SHD: variants seen among roughly 807,000 people sequenced by gnomAD.
The protein encoded by SHD is Src homology 2 domain containing transforming protein D, also known as SH2 domain-containing adapter protein D.
A neutral mutation model predicts 31.2 loss-of-function variants in SHD; 29 were observed. The observed-to-expected ratio is 0.93, with a 90% CI of 0.69 to 1.27. SHD has a LOEUF of 1.27. Ranked by LOEUF, SHD falls within the 50% of genes most tolerant of loss-of-function variation. The pLI, the probability that SHD is intolerant of heterozygous loss-of-function variation, is 0.00. For synonymous variants in SHD, 208 were observed against 187.8 expected (o/e 1.11, Z -0.88); for missense variants, 520 against 453.8 (o/e 1.15, Z -1.33).
chr19:4,282,038 T>C (rs748832306), intron 1 of SHD, among the ~76,000 whole-genome samples: 84 of 151,954 alleles, frequency 5.5e-4, no homozygotes, highest in Non-Finnish European at 1.1e-3. Context: ...GCTGGGGAAA[T>C]GGGATCAAGA....
At chr19:4,288,068 A>G (rs983054081) in intron 4 of SHD, 175 bp from the exon 5 acceptor site, 2 of 623,248 alleles carry the variant, frequency 3.2e-6, no homozygotes, top group Non-Finnish European at 4.8e-6. Context: ...CGCCCGGCTA[A>G]TTTTTTTTGT....
At chr19:4,284,721 C>T in intron 3 of SHD, 60 bp from the exon 4 acceptor site, 3 of 1,415,470 alleles carry the variant, frequency 2.1e-6, no homozygotes, top group Non-Finnish European at 2.8e-6. Context: ...TGGCTTGCCC[C>T]TGCCCCGCCC....
At chr19:4,289,559 ATTATTTATTTAT>A (rs1187225392) in intron 5 of SHD, among the ~76,000 whole-genome samples, 2 of 146,834 alleles carry the variant, frequency 1.4e-5, no homozygotes, top group Admixed American at 6.8e-5. Flanking sequence ...TATTATTATT[ATTATTTATTTAT>A]TTATTTATTT....
intron 4 of SHD, among the ~76,000 whole-genome samples, chr19:4,287,554 G>A (rs987890491): frequency 6.6e-6 from 1 of 151,980 alleles, no homozygotes; most frequent in Non-Finnish European, 1.5e-5. Flanking sequence ...GGAGGCCAAG[G>A]AGGGCAGATA....
At chr19:4,283,404 C>A (rs1971276765) in intron 3 of SHD, among the ~76,000 whole-genome samples, 162 bp downstream of exon 3, 1 of 152,090 alleles carries the variant, frequency 6.6e-6, no homozygotes, top group Non-Finnish European at 1.5e-5. Context: ...GTCCTAAATT[C>A]TTTCTTCCAA....
In SHD at chr19:4,283,107, C is replaced by A. The variant is rs1472596283; in HGVS notation, c.457C>A (p.Pro153Thr). ...TGACACCCCTTATGAGGAACAGGAC[C>A]CAGAGACAGCAGATGGACCCCCTTC... ...LYDTPYEEQD[P>T]ETADGPPSGQ... The change falls in exon 3 of 6, where the codon CCA (proline) becomes ACA (threonine). Residue 153 changes from proline (P) to threonine (T), a missense_variant. By Grantham distance (38) the Pro-to-Thr change is conservative. Coordinates refer to ENST00000543264, the MANE Select transcript of SHD (RefSeq NM_020209.4). 8.1e-6 allele frequency: 13 copies of A among 1,613,978 alleles called. No homozygotes were observed. Among genetic ancestry groups the A allele is most frequent in the Non-Finnish European group, 9.3e-6 (11 of 1,180,022 alleles).
intron 4 of SHD, among the ~76,000 whole-genome samples, chr19:4,287,419 G>T (rs1459123800): frequency 6.6e-6 from 1 of 152,122 alleles, no homozygotes; most frequent in African/African-American, 2.4e-5. Flanking sequence ...AGTGGTTGAA[G>T]TTGACAAGGA....
At chr19:4,289,818 G>A (rs910482294) in intron 5 of SHD, among the ~76,000 whole-genome samples, 17 of 151,908 alleles carry the variant, frequency 1.1e-4, no homozygotes, top group African/African-American at 3.6e-4. Context: ...TGATCCGCCT[G>A]CCTTGGCCTC....
At chr19:4,288,474 T>C (rs1187186699) in intron 5 of SHD, 112 bp downstream of exon 5, 21 of 1,347,868 alleles carry the variant, frequency 1.6e-5, no homozygotes, top group African/African-American at 3.0e-5. Context: ...AGGGAAGGGC[T>C]TCCAGGTCAG....
intron 4 of SHD, among the ~76,000 whole-genome samples, chr19:4,285,253 C>T (rs993291526): frequency 6.6e-6 from 1 of 152,160 alleles, no homozygotes; most frequent in African/African-American, 2.4e-5. Flanking sequence ...TTGGGTGGGG[C>T]TTACAGCCTC....
At chr19:4,286,148 T>G (rs968249618) in intron 4 of SHD, among the ~76,000 whole-genome samples, 3 of 152,072 alleles carry the variant, frequency 2.0e-5, no homozygotes, top group African/African-American at 7.2e-5. Context: ...TGCCTTGGCC[T>G]CCCAAAGTGT....
chr19:4,286,391 G>A (rs1971319276), intron 4 of SHD, among the ~76,000 whole-genome samples: 1 of 149,414 alleles, frequency 6.7e-6, no homozygotes, highest in Non-Finnish European at 1.5e-5. Flanking sequence ...CTGTTGCCCA[G>A]GCTGAAGTGC....
At position 4,283,175 on chromosome 19, in the gene SHD, A is replaced by G; in HGVS notation, c.525A>G (p.Glu175=). Residue 175 remains glutamate (E), a synonymous_variant, in exon 3 of 6, where the codon GAA becomes GAG. Transcript: ENST00000543264. ...PRQSRMPQED[E]RPADEYDQPW... is the part of the protein sequence containing the mutation. ...AGAGCCGGATGCCCCAGGAAGATGA[A>G]CGGCCAGCAGATGAGTATGATCAGC... 3.1e-6 allele frequency: 5 copies of G among 1,614,116 alleles called. No homozygotes were observed. The highest frequency in any genetic ancestry group is 4.2e-6 in the Non-Finnish European group (5 of 1,180,018).
At chr19:4,288,641 C>G (rs568920647) in intron 5 of SHD, among the ~76,000 whole-genome samples, 1 of 152,252 alleles carries the variant, frequency 6.6e-6, no homozygotes, top group Non-Finnish European at 1.5e-5. Flanking sequence ...ACTAGGTGCA[C>G]AAGATTCCTC....
intron 4 of SHD, among the ~76,000 whole-genome samples, chr19:4,286,256 T>TTTCTTTCC (rs1971313253): frequency 1.6e-5 from 2 of 127,780 alleles, no homozygotes; most frequent in Non-Finnish European, 3.2e-5. Flanking sequence ...TCTTTCTTTC[T>TTTCTTTCC]TTCTCTCTTT....
chr19:4,285,895 T>C (rs1190380654), intron 4 of SHD, among the ~76,000 whole-genome samples: 3 of 112,800 alleles, frequency 2.7e-5, no homozygotes, highest in South Asian at 2.9e-4. Flanking sequence ...CTTTCTTTTT[T>C]TTTTTTTTTT....
Position 4,279,755 on chromosome 19 carries a change from C to T in SHD, c.-309C>T, listed in dbSNP as rs1568367576. ...TCCGCGCGCCTCCGCGGATGCCCCT[C>T]GCCCTAGCCCCCAGCGCGCGGGGTT... On this transcript the variant is annotated 5_prime_UTR_variant, in exon 1 of 6. Transcript: ENST00000543264. The surrounding 1 kb of genome is among the most constrained non-coding windows in gnomAD (Gnocchi z 7.5). The T allele has an allele frequency of 9.0e-6, 3 of 334,344 alleles. No individual in the cohort carries two copies. The highest frequency in any genetic ancestry group is 1.6e-5 in the Non-Finnish European group (3 of 183,940). The allele number at this position is 334,344 out of a possible 1,614,324, so 20.7% of individuals were successfully genotyped here. A position where few individuals can be genotyped will look rare whatever the true frequency, so the allele number is the denominator to read the frequency against.
At chr19:4,281,885 T>C (rs1971260178) in intron 1 of SHD, among the ~76,000 whole-genome samples, 1 of 152,170 alleles carries the variant, frequency 6.6e-6, no homozygotes, top group Admixed American at 6.6e-5. Context: ...ACACTTACTG[T>C]CTCTGTGCCT....
In SHD at chr19:4,284,913, G is replaced by T. The variant is rs971031283; in HGVS notation, c.716+9G>T. ...CCCCTGGAGAAACAGCCGTGAGTGG[G>T]GAAGCTGAAGGTGGAAGAGCCCCGT... On this transcript the variant is annotated intron_variant, in intron 4 of 5. Transcript: ENST00000543264. 1 of 1,582,002 alleles carries T rather than the reference G, an allele frequency of 6.3e-7. No homozygotes were observed.
Sources: allele counts gnomAD v4.1 joint callset (sites outside exome capture counted in the v4.1 genomes callset), GRCh38; gene constraint gnomAD v4.1.1; non-coding constraint Gnocchi (gnomAD v3.1); transcripts MANE v1.5; gene names NCBI Gene and HGNC (gene_info 2026-07-23, HGNC 2026-07-21).